Variants in SCN2A observed in about 807,000 individuals in gnomAD.
The protein encoded by SCN2A is sodium channel protein type 2 subunit alpha.
A neutral mutation model predicts 188.7 loss-of-function variants in SCN2A; 20 were observed. The ratio of observed to expected loss-of-function variants is 0.11; its 90% CI spans 0.07 to 0.15. SCN2A has a LOEUF of 0.15. SCN2A is among the 10% of genes least tolerant of loss of function. The pLI, the probability that SCN2A is intolerant of heterozygous loss-of-function variation, is 1.00. For missense variants in SCN2A, 1,278 were observed against 2,445.0 expected, an observed-to-expected ratio of 0.52 and a Z score of 10.07; for synonymous variants, 804 against 833.1, an observed-to-expected ratio of 0.97 and a Z score of 0.60.
rs928730494 is a variant in SCN2A, at chr2:165,239,631, T to C, written c.-61T>C. 1.0e-6 allele frequency: 1 copy of C among 983,394 alleles called. No individual in the cohort carries two copies. The highest frequency in any genetic ancestry group is 1.2e-6 in the Non-Finnish European group (1 of 828,044). The allele number at this position is 983,394 out of a possible 1,614,324, so 60.9% of individuals were successfully genotyped here. ...TTCTGTGTTATGATTTACATTTTTC[T>C]TTATTTCAGGTAAGCCAGCATGATT... On this transcript the variant is annotated 5_prime_UTR_variant, in exon 1 of 27. Transcript: ENST00000375437.
chr2:165,335,044 T>G (rs1698911455), intron 14 of SCN2A, among the ~76,000 whole-genome samples: 2 of 151,616 alleles, frequency 1.3e-5, no homozygotes, highest in South Asian at 2.1e-4. Flanking sequence ...AGGAATAAAT[T>G]TAATAAAATA....
intron 1 of SCN2A, chr2:165,293,831 G>A (rs1696341755): frequency 1.0e-6 from 1 of 984,726 alleles, no homozygotes; most frequent in Non-Finnish European, 1.2e-6. Context: ...GAGAGCTTTG[G>A]GCTGCTTCAG....
chr2:165,345,476 T>C (rs1658553376), intron 16 of SCN2A, among the ~76,000 whole-genome samples: 1 of 152,192 alleles, frequency 6.6e-6, no homozygotes, highest in Admixed American at 6.5e-5. Context: ...GTAGTGTCTT[T>C]CTTTGTCTTT....
At chr2:165,274,634 C>T (rs1239835159) in intron 1 of SCN2A, among the ~76,000 whole-genome samples, 2 of 152,068 alleles carry the variant, frequency 1.3e-5, no homozygotes, top group Non-Finnish European at 2.9e-5. Flanking sequence ...AAAATTGTAC[C>T]CTGGTTAAAA....
At chr2:165,331,641 C>A in intron 14 of SCN2A, 73 bp downstream of exon 14, 1 of 1,175,726 alleles carries the variant, frequency 8.5e-7, no homozygotes, top group Non-Finnish European at 1.3e-6. Flanking sequence ...ACATATTGCT[C>A]TCAAATTAAA....
At chr2:165,372,487 C>A (rs984249381) in intron 20 of SCN2A, 1 of 151,854 alleles carries the variant, frequency 6.6e-6, no homozygotes, top group Non-Finnish European at 1.5e-5. Context: ...AATAATTTTT[C>A]TATATGTTTT....
At chr2:165,316,495 G>C (rs897572280) in intron 11 of SCN2A, among the ~76,000 whole-genome samples, 2 of 152,078 alleles carry the variant, frequency 1.3e-5, no homozygotes, top group Non-Finnish European at 2.9e-5. Context: ...GAATTCACAG[G>C]AATACACAGT....
At chr2:165,289,263 T>G (rs1480992260) in intron 1 of SCN2A, among the ~76,000 whole-genome samples, 1 of 152,030 alleles carries the variant, frequency 6.6e-6, no homozygotes, top group Non-Finnish European at 1.5e-5. Flanking sequence ...CATATAACTT[T>G]TTGCTGATGT....
chr2:165,272,689 A>G (rs1486403602), intron 1 of SCN2A: 5 of 152,170 alleles, frequency 3.3e-5, no homozygotes, highest in Admixed American at 2.0e-4. Flanking sequence ...ACAATTAGAT[A>G]TATAGAAAAG....
intron 14 of SCN2A, among the ~76,000 whole-genome samples, chr2:165,333,374 T>C (rs1337813013): frequency 2.0e-5 from 3 of 151,940 alleles, no homozygotes; most frequent in African/African-American, 4.8e-5. Context: ...GCCTATAGGA[T>C]ATTCCCTAGG....
intron 17 of SCN2A, among the ~76,000 whole-genome samples, chr2:165,361,590 C>A (rs1240820482): frequency 2.0e-5 from 3 of 151,974 alleles, no homozygotes; most frequent in Admixed American, 6.6e-5. Flanking sequence ...GATCAATGTG[C>A]TGCCTAGATT....
chr2:165,341,104 TG>T (rs1360904409), intron 14 of SCN2A, among the ~76,000 whole-genome samples: 1 of 152,148 alleles, frequency 6.6e-6, no homozygotes, highest in Non-Finnish European at 1.5e-5. Context: ...TTTGTTTGTT[TG>T]TTTTTTGAGA....
At chr2:165,282,832 G>A (rs932159792) in intron 1 of SCN2A, among the ~76,000 whole-genome samples, 2 of 152,190 alleles carry the variant, frequency 1.3e-5, no homozygotes, top group Non-Finnish European at 2.9e-5. Flanking sequence ...GGTAGAGGAG[G>A]TGAGAAATGA....
intron 12 of SCN2A, among the ~76,000 whole-genome samples, chr2:165,324,615 A>G (rs529298115): frequency 2.0e-5 from 3 of 152,302 alleles, no homozygotes; most frequent in Admixed American, 6.5e-5. Flanking sequence ...TTAAAAAATG[A>G]TCATAGATAA....
intron 4 of SCN2A, among the ~76,000 whole-genome samples, chr2:165,308,417 G>C (rs1201651882): frequency 6.6e-6 from 1 of 151,972 alleles, no homozygotes; most frequent in South Asian, 2.1e-4. Context: ...TCTTCATATA[G>C]AGCCACATTA....
At chr2:165,385,650 A>G (rs1701831681) in intron 25 of SCN2A, among the ~76,000 whole-genome samples, 1 of 152,220 alleles carries the variant, frequency 6.6e-6, no homozygotes, top group African/African-American at 2.4e-5. Flanking sequence ...TAATACCATT[A>G]AATAAAATAC....
At chr2:165,260,740 G>T in intron 1 of SCN2A, among the ~76,000 whole-genome samples, 1 of 151,984 alleles carries the variant, frequency 6.6e-6, no homozygotes, top group Admixed American at 6.6e-5. Flanking sequence ...GCTGAGGCGG[G>T]TGCATCGCCT....
chr2:165,278,042 G>A (rs566807113), intron 1 of SCN2A, among the ~76,000 whole-genome samples: 24 of 152,332 alleles, frequency 1.6e-4, no homozygotes, highest in African/African-American at 5.3e-4. Flanking sequence ...TACCCAGCTG[G>A]AAGGATGTGA....
At chr2:165,317,865 C>T (rs1697847814) in intron 11 of SCN2A, among the ~76,000 whole-genome samples, 1 of 150,350 alleles carries the variant, frequency 6.7e-6, no homozygotes. Flanking sequence ...AATAGTCAAA[C>T]AAATGTCTAA....
Sources: gnomAD v4.1 joint callset for allele counts (sites outside exome capture counted in the v4.1 genomes callset) on GRCh38, gnomAD v4.1.1 for gene constraint, MANE v1.5 for transcripts, NCBI Gene and HGNC (gene_info 2026-07-23, HGNC 2026-07-21) for gene names.